The following MGMT variants were observed in gnomAD, a reference collection of about 807,000 sequenced individuals.
MGMT encodes the protein methylated-DNA--protein-cysteine methyltransferase.
A neutral mutation model predicts 15.9 loss-of-function variants in MGMT; 14 were observed. The observed-to-expected ratio is 0.88, with a 90% CI of 0.58 to 1.37. MGMT has a LOEUF of 1.37. Ranked by LOEUF, MGMT falls within the 40% of genes most tolerant of loss-of-function variation. The pLI is 0.00. For missense variants in MGMT, 282 were observed against 268.1 expected (o/e 1.05, Z -0.36); for synonymous variants, 130 against 118.2 (o/e 1.10, Z -0.65).
At chr10:129,642,537 C>A (rs924180264) in intron 2 of MGMT, among the ~76,000 whole-genome samples, 9 of 152,120 alleles carry the variant, frequency 5.9e-5, no homozygotes, top group Non-Finnish European at 1.2e-4. Flanking sequence ...TTTTTAACTA[C>A]CCTGGTGTGA....
At chr10:129,592,626 A>C (rs1373333311) in intron 2 of MGMT, among the ~76,000 whole-genome samples, 4 of 152,170 alleles carry the variant, frequency 2.6e-5, no homozygotes, top group African/African-American at 9.7e-5. Flanking sequence ...CTGTTCAGGT[A>C]TCAAAGGAGA....
chr10:129,585,561 C>T (rs1206007169), intron 2 of MGMT, among the ~76,000 whole-genome samples: 1 of 152,158 alleles, frequency 6.6e-6, no homozygotes, highest in Non-Finnish European at 1.5e-5. Flanking sequence ...CAGAGACACC[C>T]TCCCATATTT....
At chr10:129,668,258 A>G (rs945155180) in intron 2 of MGMT, among the ~76,000 whole-genome samples, 1 of 152,076 alleles carries the variant, frequency 6.6e-6, no homozygotes, top group Non-Finnish European at 1.5e-5. Context: ...TGTGGACCAC[A>G]GATAGTCTCT....
intron 2 of MGMT, among the ~76,000 whole-genome samples, chr10:129,622,457 C>T (rs761647357): frequency 1.3e-5 from 2 of 152,196 alleles, no homozygotes; most frequent in African/African-American, 2.4e-5. Flanking sequence ...GAACCTGATG[C>T]GGTCTAGTTT....
chr10:129,518,456 C>T (rs1275088915), intron 1 of MGMT, among the ~76,000 whole-genome samples: 29 of 139,410 alleles, frequency 2.1e-4, no homozygotes, highest in African/African-American at 7.2e-4. Context: ...ACCGCAGAGA[C>T]AGCAAGACTG....
In MGMT at chr10:129,518,325, GATACACACACAT is replaced by G. The variant is rs1470964027; in HGVS notation, c.-12-17914_-12-17903del. On this transcript the variant is annotated intron_variant, in intron 1 of 4. Coordinates refer to ENST00000651593, the MANE Select transcript of MGMT (RefSeq NM_002412.5). ...GAAAATTCTAAATGATGTGTGTACA[GATACACACACAT>G]ACACACACACACACACACACACACA... 5.4e-3 allele frequency among the ~76,000 whole-genome samples: 477 copies of G among 88,100 alleles called. 3 individuals are homozygous for G. The highest frequency in any genetic ancestry group is 0.017 in the Middle Eastern group (3 of 176). The allele number at this position is 88,100 out of a possible 152,430, so 57.8% of individuals were successfully genotyped here.
At chr10:129,708,496 A>G (rs1848194250) in intron 3 of MGMT, among the ~76,000 whole-genome samples, 2 of 152,224 alleles carry the variant, frequency 1.3e-5, no homozygotes, top group South Asian at 2.1e-4. Context: ...TTCTCAAATA[A>G]TTTTACATTT....
At chr10:129,526,413 A>T (rs1194614056) in intron 1 of MGMT, among the ~76,000 whole-genome samples, 1 of 152,068 alleles carries the variant, frequency 6.6e-6, no homozygotes, top group Non-Finnish European at 1.5e-5. Context: ...TTCCTCCCCC[A>T]GGTGAGCCAA....
At chr10:129,585,725 T>TTGAGTCCG (rs1242143496) in intron 2 of MGMT, among the ~76,000 whole-genome samples, 9 of 152,340 alleles carry the variant, frequency 5.9e-5, no homozygotes, top group Admixed American at 5.9e-4. Flanking sequence ...CTGTGGTTGG[T>TTGAGTCCG]TGAGTCCGTG....
Position 129,707,881 on chromosome 10 carries a change from T to G in MGMT, c.126-14T>G. ...GCCCAGAGGTTTACTAAGCCCCTGT[T>G]CTCACTTTTGCAGTGCCGTGGAGGT... is the stretch of plus-strand genomic sequence containing the variant. On this transcript the variant is annotated splice_polypyrimidine_tract_variant and intron_variant, in intron 2 of 4. Coordinates refer to ENST00000651593, the MANE Select transcript of MGMT (RefSeq NM_002412.5). 1 of 1,610,326 alleles carries G rather than the reference T, an allele frequency of 6.2e-7. No individual in the cohort carries two copies. Among genetic ancestry groups the G allele is most frequent in the Non-Finnish European group, 8.5e-7 (1 of 1,179,960 alleles).
chr10:129,548,409 C>T (rs1288297704), intron 2 of MGMT, among the ~76,000 whole-genome samples: 1 of 152,168 alleles, frequency 6.6e-6, no homozygotes, highest in Non-Finnish European at 1.5e-5. Flanking sequence ...CTAAAAATCA[C>T]CTGGAAAAAT....
chr10:129,615,069 G>C (rs1378015133), intron 2 of MGMT, among the ~76,000 whole-genome samples: 1 of 152,096 alleles, frequency 6.6e-6, no homozygotes, highest in East Asian at 1.9e-4. Flanking sequence ...GGGAGGTGCA[G>C]TGGAGAAAAG....
chr10:129,488,627 G>T (rs530033754), intron 1 of MGMT, among the ~76,000 whole-genome samples: 2 of 152,190 alleles, frequency 1.3e-5, no homozygotes, highest in Admixed American at 6.5e-5. Context: ...TTTGTGTCTC[G>T]TTTCAAAGTG....
chr10:129,679,542 C>T (rs1053915795), intron 2 of MGMT, among the ~76,000 whole-genome samples: 3 of 152,102 alleles, frequency 2.0e-5, no homozygotes, highest in Admixed American at 6.5e-5. Flanking sequence ...AATATTAGTA[C>T]AATATTTATT....
intron 3 of MGMT, among the ~76,000 whole-genome samples, chr10:129,729,943 G>A (rs1305946128): frequency 1.3e-5 from 2 of 152,170 alleles, no homozygotes; most frequent in African/African-American, 2.4e-5. Flanking sequence ...ACAGTCAGAC[G>A]GTGTTGATAT....
intron 4 of MGMT, among the ~76,000 whole-genome samples, chr10:129,761,608 T>C (rs777597865): frequency 5.7e-4 from 87 of 152,356 alleles, no homozygotes; most frequent in Admixed American, 2.5e-3. Flanking sequence ...ATGGCCTCAG[T>C]CACTGAAATG....
intron 3 of MGMT, among the ~76,000 whole-genome samples, chr10:129,726,063 G>A (rs972573215): frequency 6.6e-6 from 1 of 152,058 alleles, no homozygotes; most frequent in Admixed American, 6.6e-5. Flanking sequence ...AGGTCCACAA[G>A]GTCAGCTCCA....
intron 2 of MGMT, among the ~76,000 whole-genome samples, chr10:129,617,563 C>T (rs928324629): frequency 1.4e-4 from 21 of 152,040 alleles, no homozygotes; most frequent in Non-Finnish European, 7.4e-5. Context: ...ATAAGCATTC[C>T]GTTTTCTCTA....
chr10:129,733,906 T>C (rs1848530962), intron 3 of MGMT, among the ~76,000 whole-genome samples: 1 of 152,150 alleles, frequency 6.6e-6, no homozygotes, highest in African/African-American at 2.4e-5. Context: ...TCTGTTCTGT[T>C]CCATTGGTCT....
Sources: gnomAD v4.1 joint callset for allele counts (sites outside exome capture counted in the v4.1 genomes callset) on GRCh38, gnomAD v4.1.1 for gene constraint, MANE v1.5 for transcripts, NCBI Gene and HGNC (gene_info 2026-07-23, HGNC 2026-07-21) for gene names.